The following PTPRG variants were observed in gnomAD, a reference collection of about 807,000 sequenced individuals.
PTPRG encodes receptor-type tyrosine-protein phosphatase gamma.
A neutral mutation model predicts 165.3 loss-of-function variants in PTPRG; 102 were observed. That is an observed-to-expected ratio of 0.62 (90% CI 0.53 to 0.73). The LOEUF (loss-of-function observed/expected upper bound fraction) is 0.73, where lower values mean the gene tolerates loss of function less well. PTPRG is among the 30% of genes least tolerant of loss of function. The pLI, the probability that PTPRG is intolerant of heterozygous loss-of-function variation, is 0.00. For synonymous variants in PTPRG, 675 were observed against 669.5 expected (o/e 1.01, Z -0.13); for missense variants, 1,866 against 1,861.4 (o/e 1.00, Z -0.05).
intron 2 of PTPRG, among the ~76,000 whole-genome samples, chr3:61,923,377 C>T (rs998477042): frequency 1.3e-5 from 2 of 152,142 alleles, no homozygotes; most frequent in Non-Finnish European, 2.9e-5. Context: ...CCAGCGTTTT[C>T]CCAAAAGCAG....
intron 12 of PTPRG, among the ~76,000 whole-genome samples, chr3:62,218,648 A>G (rs1700571288): frequency 6.6e-6 from 1 of 152,218 alleles, no homozygotes; most frequent in Non-Finnish European, 1.5e-5. Context: ...TACAGAATGC[A>G]GCCCATAGAA....
intron 5 of PTPRG, among the ~76,000 whole-genome samples, chr3:62,103,048 CTCT>C (rs1702346017): frequency 6.6e-6 from 1 of 152,202 alleles, no homozygotes; most frequent in African/African-American, 2.4e-5. Flanking sequence ...CATCCTGCTT[CTCT>C]TCTTTTCTTC....
chr3:61,633,043 T>C (rs1349828486), intron 1 of PTPRG, among the ~76,000 whole-genome samples: 1 of 152,252 alleles, frequency 6.6e-6, no homozygotes, highest in Admixed American at 6.5e-5. Context: ...TCTTCTTGAT[T>C]TGGCGCATTG....
chr3:62,023,161 A>G (rs571179136), intron 4 of PTPRG, among the ~76,000 whole-genome samples: 29 of 152,324 alleles, frequency 1.9e-4, no homozygotes, highest in African/African-American at 6.7e-4. Flanking sequence ...ATATTATCTT[A>G]TGAGTTAATT....
chr3:61,945,909 A>G (rs1057095910), intron 2 of PTPRG, among the ~76,000 whole-genome samples: 3 of 152,236 alleles, frequency 2.0e-5, no homozygotes, highest in Non-Finnish European at 4.4e-5. Context: ...AGAGACGTGA[A>G]GTGGCTTGCC....
At chr3:62,091,897 A>G (rs556139652) in intron 5 of PTPRG, among the ~76,000 whole-genome samples, 2 of 152,106 alleles carry the variant, frequency 1.3e-5, no homozygotes, top group South Asian at 4.2e-4. Context: ...CCCATACAGC[A>G]TCCCACCTAC....
At chr3:62,055,865 A>G (rs11917233) in intron 4 of PTPRG, among the ~76,000 whole-genome samples, 2,343 of 152,296 alleles carry the variant, frequency 0.015, 52 homozygotes, top group African/African-American at 0.052. Flanking sequence ...TAATGGCCTC[A>G]TCTCAATTTG....
chr3:61,984,486 C>T (rs192252718), intron 2 of PTPRG, among the ~76,000 whole-genome samples: 8 of 152,268 alleles, frequency 5.3e-5, no homozygotes, highest in Admixed American at 5.2e-4. Flanking sequence ...ATCTATCATG[C>T]CATAGACACG....
chr3:61,925,484 T>C (rs181572448), intron 2 of PTPRG, among the ~76,000 whole-genome samples: 1 of 152,298 alleles, frequency 6.6e-6, no homozygotes, highest in Non-Finnish European at 1.5e-5. Flanking sequence ...TGGCTCACAC[T>C]TGTAATGCCA....
intron 5 of PTPRG, among the ~76,000 whole-genome samples, chr3:62,093,090 G>C (rs902646283): frequency 6.6e-6 from 1 of 152,158 alleles, no homozygotes. Flanking sequence ...GATGTAATTG[G>C]TCCAGGAGAT....
At chr3:61,929,378 G>A (rs955701806) in intron 2 of PTPRG, among the ~76,000 whole-genome samples, 6 of 152,012 alleles carry the variant, frequency 3.9e-5, no homozygotes, top group African/African-American at 7.2e-5. Flanking sequence ...CAGATCGAGC[G>A]TTTCTTTAGT....
chr3:62,266,385 T>G (rs1300284175), intron 17 of PTPRG, among the ~76,000 whole-genome samples: 2 of 152,102 alleles, frequency 1.3e-5, no homozygotes, highest in African/African-American at 4.8e-5. Context: ...CCAAATCACC[T>G]CCCAAATTGA....
In PTPRG at chr3:62,223,775, T is replaced by TG. The variant is rs369160498; in HGVS notation, c.2288+4792_2288+4793insG. ...GGTCCTGGTATGCCTCAAATGAAGT[T>TG]TTTTTTTAATAAGGAAAATCAAATG... is the stretch of plus-strand genomic sequence containing the variant. On this transcript the variant is annotated intron_variant, in intron 13 of 29. Coordinates refer to ENST00000474889, the MANE Select transcript of PTPRG (RefSeq NM_002841.4). 1.5e-3 allele frequency among the ~76,000 whole-genome samples: 231 copies of TG among 152,192 alleles called. 2 individuals are homozygous for TG. The highest frequency in any genetic ancestry group is 5.2e-3 in the African/African-American group (218 of 41,538).
At chr3:61,813,515 CAAAA>C (rs552214510) in intron 2 of PTPRG, among the ~76,000 whole-genome samples, 1 of 57,908 alleles carries the variant, frequency 1.7e-5, no homozygotes, top group African/African-American at 6.2e-5. Flanking sequence ...GACTCCGTCT[CAAAA>C]AAAAAAAAAA....
chr3:62,042,567 G>C (rs1700163369), intron 4 of PTPRG, among the ~76,000 whole-genome samples: 1 of 152,016 alleles, frequency 6.6e-6, no homozygotes. Context: ...CCGCCACCCT[G>C]CATGACCATT....
intron 4 of PTPRG, among the ~76,000 whole-genome samples, chr3:62,058,323 G>T (rs79487062): frequency 0.024 from 3,596 of 152,134 alleles, 122 homozygotes; most frequent in African/African-American, 0.083. Flanking sequence ...ATTTGGATAT[G>T]CACTTATTTA....
At chr3:62,117,919 A>T (rs1702924295) in intron 5 of PTPRG, among the ~76,000 whole-genome samples, 1 of 152,302 alleles carries the variant, frequency 6.6e-6, no homozygotes, top group South Asian at 2.1e-4. Context: ...GAATAGGTGG[A>T]TGGATGAAGT....
chr3:62,064,131 C>CTT (rs138112872), intron 4 of PTPRG, among the ~76,000 whole-genome samples: 66 of 150,204 alleles, frequency 4.4e-4, no homozygotes, highest in Non-Finnish European at 8.2e-4. Flanking sequence ...TCAAGGGAGA[C>CTT]TTTTTTTCCG....
chr3:61,602,389 G>A (rs1033300007), intron 1 of PTPRG, among the ~76,000 whole-genome samples: 1 of 151,978 alleles, frequency 6.6e-6, no homozygotes, highest in Non-Finnish European at 1.5e-5. Flanking sequence ...AATGAAATCA[G>A]CATCCTCACG....
Sources: gnomAD v4.1 joint callset for allele counts (sites outside exome capture counted in the v4.1 genomes callset) on GRCh38, gnomAD v4.1.1 for gene constraint, MANE v1.5 for transcripts, NCBI Gene and HGNC (gene_info 2026-07-23, HGNC 2026-07-21) for gene names.